COL20A1: variants seen among roughly 807,000 people sequenced by gnomAD.
COL20A1 encodes the protein collagen type XX alpha 1 chain.
Under a neutral mutation model 152.9 loss-of-function variants are expected in COL20A1, and 164 were observed. The observed-to-expected ratio is 1.07, with a 90% CI of 0.94 to 1.22. COL20A1 has a LOEUF of 1.22. Ranked by LOEUF, COL20A1 falls within the 50% of genes most tolerant of loss-of-function variation. COL20A1 has a pLI of 0.00. For missense variants in COL20A1, 1,873 were observed against 1,744.8 expected, an observed-to-expected ratio of 1.07 and a Z score of -1.31; for synonymous variants, 864 against 756.0, an observed-to-expected ratio of 1.14 and a Z score of -2.34.
chr20:63,299,128 G>T (rs1161093691), intron 3 of COL20A1, among the ~76,000 whole-genome samples: 1 of 152,028 alleles, frequency 6.6e-6, no homozygotes, highest in African/African-American at 2.4e-5. Context: ...GTATTCCCCT[G>T]TGTGATCTCT....
In COL20A1 at chr20:63,325,434, C is replaced by A. The variant is rs766597782; in HGVS notation, c.3295-7C>A. On this transcript the variant is annotated splice_region_variant and splice_polypyrimidine_tract_variant and intron_variant, in intron 27 of 35. Transcript: ENST00000358894. Reference sequence around the variant, plus strand: ...GCTTCGCTGTCCAGCCCATCTTCCCCCTCCAGGGTCCACCAGGGGTCAAAG... The same window carrying A: ...GCTTCGCTGTCCAGCCCATCTTCCCACTCCAGGGTCCACCAGGGGTCAAAG... 5.0e-6 allele frequency: 8 copies of A among 1,611,148 alleles called. No homozygotes were observed. The highest frequency in any genetic ancestry group is 2.7e-5 in the African/African-American group (2 of 74,914).
At chr20:63,310,265 G>T in intron 10 of COL20A1, 116 bp from the exon 11 acceptor site, 1 of 1,166,032 alleles carries the variant, frequency 8.6e-7, no homozygotes, top group Middle Eastern at 2.8e-4. Context: ...CCTGTGGGAA[G>T]TGGGGCACCC....
chr20:63,311,727 C>G lies in COL20A1; in HGVS notation c.1642C>G (p.Arg548Gly), dbSNP rs748360628. ...GCGAGGCCCTGAGGGCAGCGAGGCCCGGGGCATCCGTGCCAGGACCCGTGA... is the reference window on the plus strand; with the variant it reads ...GCGAGGCCCTGAGGGCAGCGAGGCCGGGGGCATCCGTGCCAGGACCCGTGA... Reference protein sequence around the residue: ...SLRGPEGSEARGIRARTPTLA... With the variant: ...SLRGPEGSEAGGIRARTPTLA... Residue 548 changes from arginine (R) to glycine (G), a missense_variant, in exon 13 of 36, where the codon CGG becomes GGG. Coordinates refer to ENST00000358894, the MANE Select transcript of COL20A1 (RefSeq NM_020882.4). The surrounding 1 kb of genome is among the most constrained non-coding windows in gnomAD (Gnocchi z 4.4). 1.9e-6 allele frequency: 3 copies of G among 1,596,320 alleles called. No homozygotes were observed. The South Asian group carries it at 3.4e-5, about 18-fold the overall frequency.
Position 63,305,909 on chromosome 20 carries a change from C to G in COL20A1, c.366C>G (p.Asp122Glu). 6.2e-7 allele frequency: 1 copy of G among 1,613,000 alleles called. No homozygotes were observed. Among genetic ancestry groups the G allele is most frequent in the Non-Finnish European group, 8.5e-7 (1 of 1,179,820 alleles). The change falls in exon 5 of 36, where the codon GAC (aspartate) becomes GAG (glutamate). Residue 122 changes from aspartate (D) to glutamate (E), a missense_variant. Coordinates refer to ENST00000358894, the MANE Select transcript of COL20A1 (RefSeq NM_020882.4). The surrounding 1 kb of genome is among the most constrained non-coding windows in gnomAD (Gnocchi z 4.9). Reference protein sequence around the residue: ...VIEDLKSSSLDRSSQRPLGSG... With the variant: ...VIEDLKSSSLERSSQRPLGSG... ...AGGATCTGAAGAGTAGCTCCCTGGA[C>G]AGGAGCAGCCAGAGGCCCCTCGGCT...
chr20:63,307,788 G>C (rs2067947057), intron 6 of COL20A1, 140 bp downstream of exon 6: 7 of 1,188,154 alleles, frequency 5.9e-6, no homozygotes, highest in Non-Finnish European at 8.2e-6. Context: ...TCCACATGGG[G>C]TGTTCTGGGG....
Position 63,319,723 on chromosome 20 carries a change from G to A in COL20A1, c.2916+127G>A. On this transcript the variant is annotated intron_variant, in intron 23 of 35. Coordinates refer to ENST00000358894, the MANE Select transcript of COL20A1 (RefSeq NM_020882.4). This position sits in a 1 kb window ranked among gnomAD's most constrained non-coding sequence, Gnocchi z 4.4. The stretch of plus-strand genomic sequence containing the variant: ...AGGACCTTCCTTGGGAGGGAACATT[G>A]ACCTGGGGCTCTGTTCCTCTACCCC... 1 of 650,562 alleles carries A rather than the reference G, an allele frequency of 1.5e-6. No homozygotes were observed. The allele number at this position is 650,562 out of a possible 1,614,324, so 40.3% of individuals were successfully genotyped here. A position where few individuals can be genotyped will look rare whatever the true frequency, so the allele number is the denominator to read the frequency against.
intron 27 of COL20A1, among the ~76,000 whole-genome samples, chr20:63,322,867 T>C (rs1427925584): frequency 6.6e-6 from 1 of 152,262 alleles, no homozygotes; most frequent in Admixed American, 6.5e-5. Context: ...CTGGCGGGGC[T>C]GTCCTTTTGC....
At position 63,313,112 on chromosome 20, in the gene COL20A1, C is replaced by T. The variant is rs1209587028; in HGVS notation, c.2077-5C>T. On this transcript the variant is annotated splice_polypyrimidine_tract_variant and splice_region_variant and intron_variant, in intron 16 of 35. Coordinates refer to ENST00000358894, the MANE Select transcript of COL20A1 (RefSeq NM_020882.4). The surrounding 1 kb of genome is among the most constrained non-coding windows in gnomAD (Gnocchi z 5.9). ...CGGTGACCCCTGGGGCTCTCCTCTC[C>T]CTAGATCTCTGTCCCAGGGAACCTC... The T allele has an allele frequency of 1.2e-6, 2 of 1,605,428 alleles. No individual in the cohort carries two copies. Among genetic ancestry groups the T allele is most frequent in the African/African-American group, 1.3e-5 (1 of 74,736 alleles).
chr20:63,293,943 G>C (rs1285236707), intron 1 of COL20A1, among the ~76,000 whole-genome samples: 1 of 147,600 alleles, frequency 6.8e-6, no homozygotes, highest in Non-Finnish European at 1.5e-5. Context: ...CAGGACCCTA[G>C]AACCCTACTG....
chr20:63,308,136 C>T, intron 7 of COL20A1, 46 bp downstream of exon 7: 1 of 1,582,630 alleles, frequency 6.3e-7, no homozygotes, highest in Non-Finnish European at 8.5e-7. Flanking sequence ...GGCGGACCTC[C>T]TTCTGCCGCC....
intron 28 of COL20A1, 29 bp downstream of exon 28, chr20:63,325,523 G>C (rs755663176): frequency 6.2e-7 from 1 of 1,600,238 alleles, no homozygotes; most frequent in Admixed American, 1.7e-5. Flanking sequence ...GGGGGCCACA[G>C]GGGTTGGTGG....
chr20:63,319,076 C>A lies in COL20A1; in HGVS notation c.2682C>A (p.Pro894=), dbSNP rs758764521. The change falls in exon 22 of 36, where the codon CCC becomes CCA. Residue 894 remains proline, a synonymous_variant. Coordinates refer to ENST00000358894, the MANE Select transcript of COL20A1 (RefSeq NM_020882.4). This position sits in a 1 kb window ranked among gnomAD's most constrained non-coding sequence, Gnocchi z 4.4. ...CCCACAGTGACGTCTACCCAGCCCC[C>A]CTACCTCCAGAGCACACCATCGTCT... ...TRRVSDVYPA[P]LPPEHTIVFL... The A allele has an allele frequency of 9.3e-6, 15 of 1,612,530 alleles. No individual in the cohort carries two copies. The highest frequency in any genetic ancestry group is 1.3e-5 in the Non-Finnish European group (15 of 1,179,076).
intron 3 of COL20A1, among the ~76,000 whole-genome samples, chr20:63,303,779 G>A (rs2067886219): frequency 6.6e-6 from 1 of 152,110 alleles, no homozygotes; most frequent in Non-Finnish European, 1.5e-5. Context: ...TTCCAGGTGT[G>A]CAGGTGTGGG....
chr20:63,305,424 G>A lies in COL20A1; in HGVS notation c.201G>A (p.Ser67=), dbSNP rs766725687. 9.3e-5 allele frequency: 143 copies of A among 1,539,182 alleles called. No homozygotes were observed. The highest frequency in any genetic ancestry group is 1.7e-4 in the Middle Eastern group (1 of 5,748). ...CTCCCCACCCCTACCCAGGGGACTC[G>A]GAACAGGAGGTGATACTGACCACCA... The part of the protein sequence containing the change: ...LVQVKPMAGD[S]EQEVILTTKT... The change falls in exon 4 of 36, where the codon TCG becomes TCA. Residue 67 remains serine, a synonymous_variant. Transcript: ENST00000358894. The surrounding 1 kb of genome is among the most constrained non-coding windows in gnomAD (Gnocchi z 4.9).
intron 31 of COL20A1, 123 bp from the exon 32 acceptor site, chr20:63,327,829 T>C: frequency 9.9e-7 from 1 of 1,007,296 alleles, no homozygotes; most frequent in Non-Finnish European, 1.5e-6. Flanking sequence ...GATGGGGCTT[T>C]CACACCGCCA....
intron 21 of COL20A1, among the ~76,000 whole-genome samples, chr20:63,317,058 G>T (rs903250513): frequency 3.3e-5 from 5 of 152,224 alleles, no homozygotes; most frequent in African/African-American, 1.2e-4. Flanking sequence ...CACTCAAATA[G>T]CTTTGCATGA....
chr20:63,314,682 T>C (rs543944003), intron 19 of COL20A1, among the ~76,000 whole-genome samples: 1 of 152,090 alleles, frequency 6.6e-6, no homozygotes, highest in African/African-American at 2.4e-5. Context: ...CCATCAGGAG[T>C]GCTCCTTCCT....
Position 63,333,271 on chromosome 20 carries a change from C to G in COL20A1, c.*2555C>G, listed in dbSNP as rs2068355494. The G allele has an allele frequency of 6.6e-6, 1 of 152,476 alleles. No homozygotes were observed. The highest frequency in any genetic ancestry group is 1.5e-5 in the Non-Finnish European group (1 of 68,268). 9.4% of individuals were successfully genotyped at this position (152,476 alleles called of 1,614,324 possible). A position where few individuals can be genotyped will look rare whatever the true frequency, so the allele number is the denominator to read the frequency against. On this transcript the variant is annotated 3_prime_UTR_variant, in exon 36 of 36. Coordinates refer to ENST00000358894, the MANE Select transcript of COL20A1 (RefSeq NM_020882.4). ...CCAGAGCTCATGGCCTTAGGTGCTG[C>G]CCCCAGTCACCCCCGTGCCCATGCA...
At chr20:63,314,515 C>CT (rs1297842998) in intron 19 of COL20A1, among the ~76,000 whole-genome samples, 1 of 152,192 alleles carries the variant, frequency 6.6e-6, no homozygotes, top group Non-Finnish European at 1.5e-5. Flanking sequence ...GGCGAGGGCT[C>CT]TGAGAGGCAT....
Sources: gnomAD v4.1 joint callset for allele counts (sites outside exome capture counted in the v4.1 genomes callset) on GRCh38, gnomAD v4.1.1 for gene constraint, Gnocchi (gnomAD v3.1) non-coding constraint, MANE v1.5 for transcripts, NCBI Gene and HGNC (gene_info 2026-07-23, HGNC 2026-07-21) for gene names.